KIDINS220: variants seen among roughly 807,000 people sequenced by gnomAD.
KIDINS220 encodes kinase D-interacting substrate of 220 kDa.
A neutral mutation model predicts 157.6 loss-of-function variants in KIDINS220; 63 were observed. The observed-to-expected ratio is 0.40, with a 90% confidence interval of 0.33 to 0.49. The LOEUF is 0.49. Ranked by LOEUF, KIDINS220 falls within the 20% of genes least tolerant of loss-of-function variation. The probability of loss-of-function intolerance (pLI) is 0.66; values close to 1 mark genes in which losing one functional copy is unlikely to be tolerated. For synonymous variants in KIDINS220, 732 were observed against 783.6 expected, an observed-to-expected ratio of 0.93 and a Z score of 1.10; for missense variants, 1,772 against 2,171.2, an observed-to-expected ratio of 0.82 and a Z score of 3.65.
chr2:8,814,935 G>A lies in KIDINS220; in HGVS notation c.307-1600C>T, dbSNP rs61580875. On this transcript the variant is annotated intron_variant, in intron 4 of 29. Coordinates refer to ENST00000256707, the MANE Select transcript of KIDINS220 (RefSeq NM_020738.4). ...GAAACATCCACAAATCCAAACTGAG[G>A]AACATTCTAAAATTACTGATGAGTA... is the stretch of plus-strand genomic sequence containing the variant. Among the ~76,000 whole-genome samples the A allele has an allele frequency of 9.0e-3, 1,371 of 152,128 alleles. 24 individuals carry two copies. Among genetic ancestry groups the A allele is most frequent in the African/African-American group, 0.031 (1,306 of 41,478 alleles).
At chr2:8,748,255 G>GT (rs1205569809) in intron 24 of KIDINS220, among the ~76,000 whole-genome samples, 1 of 152,056 alleles carries the variant, frequency 6.6e-6, no homozygotes, top group Non-Finnish European at 1.5e-5. Flanking sequence ...GCACTTTACA[G>GT]TTTGACACGA....
chr2:8,824,313 G>A (rs74698952), intron 2 of KIDINS220, among the ~76,000 whole-genome samples: 381 of 152,062 alleles, frequency 2.5e-3, no homozygotes, highest in African/African-American at 8.9e-3. Flanking sequence ...TTTCCTTAAC[G>A]ACTGAGTTAA....
chr2:8,746,898 T>TA (rs952255237), intron 26 of KIDINS220: 601 of 433,912 alleles, frequency 1.4e-3, no homozygotes, highest in South Asian at 2.5e-3. Context: ...TATTGAAGAA[T>TA]AAAAAAAAAC....
chr2:8,781,897 G>A (rs1671774505), intron 17 of KIDINS220, among the ~76,000 whole-genome samples: 1 of 152,164 alleles, frequency 6.6e-6, no homozygotes, highest in African/African-American at 2.4e-5. Flanking sequence ...CAAGGTGGGT[G>A]GATCGCTTGA....
At chr2:8,728,666 A>G (rs1663607952), downstream of KIDINS220, among the ~76,000 whole-genome samples, 2 of 152,218 alleles carry the variant, frequency 1.3e-5, no homozygotes, top group Non-Finnish European at 2.9e-5. Flanking sequence ...ACAGGAACGC[A>G]CTGCACAGCG....
At chr2:8,734,988 G>A (rs1010169127) in intron 27 of KIDINS220, among the ~76,000 whole-genome samples, 18 of 152,234 alleles carry the variant, frequency 1.2e-4, no homozygotes, top group Non-Finnish European at 2.1e-4. Context: ...GGGACCAACC[G>A]AAGAACTAAC....
intron 26 of KIDINS220, among the ~76,000 whole-genome samples, chr2:8,742,116 A>G (rs907158106): frequency 2.0e-5 from 3 of 152,070 alleles, no homozygotes; most frequent in Non-Finnish European, 4.4e-5. Context: ...AATTGTCCAC[A>G]GGTGAGCCCC....
chr2:8,794,163 C>T, intron 11 of KIDINS220, 176 bp from the exon 12 acceptor site: 1 of 465,200 alleles, frequency 2.1e-6, no homozygotes. Flanking sequence ...CCTTCTGTAG[C>T]TCCTCATCCA....
Position 8,771,401 on chromosome 2 carries a change from T to C in KIDINS220, c.2849-569A>G, listed in dbSNP as rs77103991. Among the ~76,000 whole-genome samples the C allele has an allele frequency of 5.5e-4, 84 of 152,352 alleles. 2 individuals carry two copies. In the East Asian group the frequency reaches 0.015, roughly 27 times the overall value. ...TTACGTATTTTAAAACAACCCTGTC[T>C]ATTGCTGGGATTTTCTGAGGACTCT... On this transcript the variant is annotated intron_variant, in intron 21 of 29. Coordinates refer to ENST00000256707, the MANE Select transcript of KIDINS220 (RefSeq NM_020738.4).
At chr2:8,817,000 A>G (rs1258786108) in intron 4 of KIDINS220, among the ~76,000 whole-genome samples, 1 of 152,212 alleles carries the variant, frequency 6.6e-6, no homozygotes, top group African/African-American at 2.4e-5. Flanking sequence ...TAAATATTTT[A>G]TATATCACAG....
chr2:8,817,782 T>C, intron 3 of KIDINS220, 66 bp from the exon 4 acceptor site: 2 of 1,093,510 alleles, frequency 1.8e-6, no homozygotes, highest in Middle Eastern at 2.0e-4. Context: ...TAAGGAAAAC[T>C]ACATTTGAAC....
At chr2:8,827,217 A>C in intron 1 of KIDINS220, 88 bp from the exon 2 acceptor site, 4 of 540,150 alleles carry the variant, frequency 7.4e-6, no homozygotes, top group Non-Finnish European at 1.3e-5. Flanking sequence ...CATTAACCTC[A>C]TGCAAGGACA....
Position 8,796,172 on chromosome 2 carries a change from A to G in KIDINS220, c.1098+599T>C, listed in dbSNP as rs576682867. On this transcript the variant is annotated intron_variant, in intron 11 of 29. Transcript: ENST00000256707. ...CATTCATCAGAGGAGAAAATTTACA[A>G]TATTATTTTTTACTTTATACATCAG... 4.5e-4 allele frequency among the ~76,000 whole-genome samples: 69 copies of G among 152,318 alleles called. 1 individual carries two copies. Among genetic ancestry groups the G allele is most frequent in the Non-Finnish European group, 2.5e-4 (17 of 68,044 alleles).
In KIDINS220 at chr2:8,730,740, C is replaced by G; in HGVS notation, c.5296G>C (p.Glu1766Gln). ...ASSESTGFGE[E>Q]RESIL ...TTTTCTCAAAGAATGCTTTCTCTTT[C>G]TTCTCCAAAGCCTGTGCTCTCAGAA... Residue 1766 changes from glutamate to glutamine, a missense_variant, in exon 30 of 30, where the codon GAA becomes CAA. This residue lies in a region of KIDINS220 where 793 missense variants were observed against 885.5 expected (regional missense o/e 0.90). Coordinates refer to ENST00000256707, the MANE Select transcript of KIDINS220 (RefSeq NM_020738.4). 6.2e-7 allele frequency: 1 copy of G among 1,613,070 alleles called. No homozygotes were observed. The highest frequency in any genetic ancestry group is 8.5e-7 in the Non-Finnish European group (1 of 1,179,696).
At chr2:8,739,635 G>A (rs932070642) in intron 26 of KIDINS220, among the ~76,000 whole-genome samples, 1 of 152,092 alleles carries the variant, frequency 6.6e-6, no homozygotes, top group African/African-American at 2.4e-5. Flanking sequence ...TAGAAAATAA[G>A]CATATTACTT....
intron 26 of KIDINS220, among the ~76,000 whole-genome samples, chr2:8,738,373 CAG>C (rs1227809919): frequency 6.6e-6 from 1 of 152,182 alleles, no homozygotes; most frequent in East Asian, 1.9e-4. Context: ...GGGATATTTG[CAG>C]AGTTTCAAAG....
intron 10 of KIDINS220, among the ~76,000 whole-genome samples, chr2:8,797,917 G>A (rs1212558128): frequency 6.6e-6 from 1 of 152,204 alleles, no homozygotes; most frequent in Non-Finnish European, 1.5e-5. Flanking sequence ...TCAGATAACA[G>A]TGGCATAAAT....
intron 26 of KIDINS220, among the ~76,000 whole-genome samples, chr2:8,739,267 A>C (rs369542936): frequency 2.6e-5 from 4 of 152,288 alleles, no homozygotes; most frequent in African/African-American, 9.6e-5. Context: ...GTTACCTCTG[A>C]ATTACTTTTA....
At chr2:8,796,713 T>G (rs945009696) in intron 11 of KIDINS220, 58 bp downstream of exon 11, 3 of 1,268,954 alleles carry the variant, frequency 2.4e-6, no homozygotes, top group Non-Finnish European at 3.5e-6. Flanking sequence ...CCACTCCATA[T>G]AGAGGTCAGT....
Sources: gnomAD v4.1 joint callset for allele counts (sites outside exome capture counted in the v4.1 genomes callset) on GRCh38, gnomAD v4.1.1 for gene constraint, gnomAD v4.1.1 regional missense constraint, MANE v1.5 for transcripts, NCBI Gene and HGNC (gene_info 2026-07-23, HGNC 2026-07-21) for gene names.